CHP1: variants seen among roughly 807,000 people sequenced by gnomAD.
CHP1 encodes calcineurin like EF-hand protein 1.
In CHP1, 11 loss-of-function variants were observed where a neutral mutation model predicts 27.4. That is an observed-to-expected ratio of 0.40 (90% confidence interval 0.25 to 0.67). The LOEUF is 0.67. CHP1 is among the 30% of genes least tolerant of loss of function. CHP1 has a pLI of 0.38. For synonymous variants in CHP1, 89 were observed against 87.4 expected (o/e 1.02, Z -0.10); for missense variants, 169 against 251.3 (o/e 0.67, Z 2.22).
intron 1 of CHP1, among the ~76,000 whole-genome samples, chr15:41,237,368 G>A (rs890400313): frequency 2.0e-5 from 3 of 151,910 alleles, no homozygotes; most frequent in African/African-American, 7.3e-5. Flanking sequence ...GGCTGGTCTC[G>A]AACTCCTAAC....
chr15:41,276,146 C>T (rs900689715), intron 5 of CHP1, among the ~76,000 whole-genome samples: 1 of 151,160 alleles, frequency 6.6e-6, no homozygotes, highest in Non-Finnish European at 1.5e-5. Context: ...GAGGCTGAGG[C>T]AGGAGAATCG....
At chr15:41,242,877 AG>A (rs1464047814) in intron 1 of CHP1, among the ~76,000 whole-genome samples, 11 of 152,058 alleles carry the variant, frequency 7.2e-5, no homozygotes, top group Non-Finnish European at 2.9e-5. Flanking sequence ...CGAGAGGCAG[AG>A]GTTGCAGTGA....
chr15:41,236,939 C>T (rs982368887), intron 1 of CHP1, among the ~76,000 whole-genome samples: 1 of 150,624 alleles, frequency 6.6e-6, no homozygotes, highest in African/African-American at 2.4e-5. Context: ...AAGCCATTCT[C>T]TTGCCTCAGC....
chr15:41,272,083 A>T lies in CHP1; in HGVS notation c.411+1465A>T, dbSNP rs1288242220. 3 of 152,184 alleles carry T rather than the reference A, an allele frequency of 2.0e-5. No homozygotes were observed. In the East Asian group the frequency reaches 5.8e-4, roughly 29 times the overall value. The allele number at this position is 152,184 out of a possible 1,614,324, so 9.4% of individuals were successfully genotyped here. ...CCTGGTTGAACTTTTGGAGGTCATT[A>T]TCTTGATTGTGAGGATGGTGCCATG... On this transcript the variant is annotated intron_variant, in intron 5 of 6. Transcript: ENST00000334660.
intron 4 of CHP1, among the ~76,000 whole-genome samples, chr15:41,265,009 G>A (rs2047453065): frequency 6.6e-6 from 1 of 152,112 alleles, no homozygotes; most frequent in Admixed American, 6.6e-5. Context: ...TAGACTGAGA[G>A]CAATTGAATG....
At chr15:41,266,558 G>A (rs1353124154) in intron 4 of CHP1, among the ~76,000 whole-genome samples, 2 of 152,102 alleles carry the variant, frequency 1.3e-5, no homozygotes, top group Non-Finnish European at 2.9e-5. Flanking sequence ...GAGTATAGGC[G>A]GAGTAGAGCT....
intron 2 of CHP1, among the ~76,000 whole-genome samples, chr15:41,255,232 C>T (rs946595128): frequency 2.6e-5 from 4 of 152,056 alleles, no homozygotes; most frequent in African/African-American, 9.7e-5. Context: ...GTCTCTTTAG[C>T]CCCCCCTTGA....
At chr15:41,263,443 CT>C (rs1438889341) in intron 4 of CHP1, among the ~76,000 whole-genome samples, 1 of 152,194 alleles carries the variant, frequency 6.6e-6, no homozygotes, top group African/African-American at 2.4e-5. Flanking sequence ...GCCTCTTTTC[CT>C]TTAATACTTG....
intron 4 of CHP1, chr15:41,264,366 C>A: frequency 2.8e-6 from 1 of 354,540 alleles, no homozygotes; most frequent in Non-Finnish European, 5.2e-6. Flanking sequence ...GTTGGAATGC[C>A]ACAGAAATGG....
intron 3 of CHP1, among the ~76,000 whole-genome samples, chr15:41,262,256 A>G (rs1012707487): frequency 5.9e-5 from 9 of 152,148 alleles, no homozygotes; most frequent in Admixed American, 2.6e-4. Flanking sequence ...TTAAAAATTA[A>G]ATAAACTTTA....
intron 1 of CHP1, among the ~76,000 whole-genome samples, chr15:41,238,675 C>T (rs1338459224): frequency 7.2e-6 from 1 of 138,598 alleles, no homozygotes; most frequent in Non-Finnish European, 1.5e-5. Context: ...CTGGTCTCTA[C>T]TAAAAATACA....
intron 3 of CHP1, among the ~76,000 whole-genome samples, chr15:41,262,292 T>C (rs2047437681): frequency 6.6e-6 from 1 of 152,150 alleles, no homozygotes; most frequent in African/African-American, 2.4e-5. Context: ...TTCCATAATG[T>C]GCCTTAATTT....
rs757625577 is a variant in CHP1 at position 41,231,342 on chromosome 15, C to G, written c.-41C>G. On this transcript the variant is annotated 5_prime_UTR_variant, in exon 1 of 7. Transcript: ENST00000334660. ...CCCTCCTTCCCTCCTGTCGCCGTCT[C>G]TTCTGGCGCCGCTGCTCCCGGAGGA... The G allele has an allele frequency of 7.0e-6, 11 of 1,565,802 alleles. 1 individual carries two copies. In the Admixed American group the frequency reaches 2.1e-4, roughly 30 times the overall value.
chr15:41,236,343 C>A (rs2047276689), intron 1 of CHP1, among the ~76,000 whole-genome samples: 1 of 152,148 alleles, frequency 6.6e-6, no homozygotes. Flanking sequence ...CTCACTGCAG[C>A]CTCAAGCTTC....
At chr15:41,270,832 G>A (rs772418850) in intron 5 of CHP1, among the ~76,000 whole-genome samples, 12 of 152,178 alleles carry the variant, frequency 7.9e-5, no homozygotes, top group Non-Finnish European at 1.5e-4. Flanking sequence ...AAGCTAACTA[G>A]GCTGGGCATG....
At chr15:41,243,790 C>A in intron 2 of CHP1, 51 bp downstream of exon 2, 1 of 1,528,274 alleles carries the variant, frequency 6.5e-7, no homozygotes, top group Non-Finnish European at 9.0e-7. Flanking sequence ...AACCCTCTGG[C>A]AGTGTCTGAA....
chr15:41,231,399 C>T lies in CHP1; in HGVS notation c.17C>T (p.Ser6Phe). The T allele has an allele frequency of 6.2e-7, 1 of 1,603,478 alleles. No homozygotes were observed. Among genetic ancestry groups the T allele is most frequent in the Non-Finnish European group, 8.5e-7 (1 of 1,176,172 alleles). The change falls in exon 1 of 7, where the codon TCC becomes TTC. Residue 6 changes from serine (S) to phenylalanine (F), a missense_variant. Transcript: ENST00000334660. MGSRA[S>F]TLLRDEELEE... ...GGCACGGCGATGGGTTCTCGGGCCT[C>T]CACGTTACTGCGGGACGAAGAGCTC...
At chr15:41,264,998 G>A (rs562686025) in intron 4 of CHP1, among the ~76,000 whole-genome samples, 2 of 152,218 alleles carry the variant, frequency 1.3e-5, no homozygotes, top group Non-Finnish European at 2.9e-5. Flanking sequence ...GCCTCTTACT[G>A]TAGACTGAGA....
At chr15:41,231,541 T>C (rs1288658869) in intron 1 of CHP1, 92 bp downstream of exon 1, 1 of 1,287,420 alleles carries the variant, frequency 7.8e-7, no homozygotes, top group South Asian at 1.3e-5. Flanking sequence ...CTCGGGTGCC[T>C]GTGAGGTTGG....
Sources: gnomAD v4.1 joint callset for allele counts (sites outside exome capture counted in the v4.1 genomes callset) on GRCh38, gnomAD v4.1.1 for gene constraint, MANE v1.5 for transcripts, NCBI Gene and HGNC (gene_info 2026-07-23, HGNC 2026-07-21) for gene names.